Variants in TEF observed in about 807,000 individuals in gnomAD.
TEF encodes TEF transcription factor, PAR bZIP family member, also known as thyrotroph embryonic factor.
TEF carries 3 observed loss-of-function variants against 20.8 expected under a neutral mutation model. That is an observed-to-expected ratio of 0.14 (90% CI 0.07 to 0.37). TEF has a LOEUF of 0.37. Among genes scored for constraint, TEF ranks in the 10% least tolerant of loss-of-function variants. The probability of loss-of-function intolerance (pLI) is 1.00; values close to 1 mark genes in which losing one functional copy is unlikely to be tolerated. For missense variants in TEF, 296 were observed against 397.9 expected, an observed-to-expected ratio of 0.74 and a Z score of 2.18; for synonymous variants, 180 against 171.1, an observed-to-expected ratio of 1.05 and a Z score of -0.41.
chr22:41,368,536 C>T (rs1437136472), intron 1 of TEF, among the ~76,000 whole-genome samples: 1 of 152,182 alleles, frequency 6.6e-6, no homozygotes, highest in Non-Finnish European at 1.5e-5. Flanking sequence ...AAACCAGAGC[C>T]AGGAGACAGA....
intron 2 of TEF, among the ~76,000 whole-genome samples, chr22:41,388,798 C>T (rs962419205): frequency 5.3e-5 from 8 of 152,010 alleles, no homozygotes; most frequent in South Asian, 2.1e-4. Flanking sequence ...TCCTGCCAGT[C>T]GGTATGTCAC....
chr22:41,388,137 C>T (rs2037122425), intron 2 of TEF, among the ~76,000 whole-genome samples: 2 of 151,654 alleles, frequency 1.3e-5, no homozygotes, highest in Non-Finnish European at 2.9e-5. Flanking sequence ...GCTGGGATTA[C>T]AGGCACCAGC....
chr22:41,389,457 T>TA (rs2037139836), intron 2 of TEF, among the ~76,000 whole-genome samples: 1 of 151,144 alleles, frequency 6.6e-6, no homozygotes, highest in South Asian at 2.1e-4. Flanking sequence ...TCGACTCTAC[T>TA]AAAAATACAA....
rs1317446663 is a variant in TEF, at chr22:41,376,038, A to T, written c.67+8439A>T. 3.3e-5 allele frequency among the ~76,000 whole-genome samples: 5 copies of T among 152,248 alleles called. No homozygotes were observed. The South Asian group carries it at 6.2e-4, about 19-fold the overall frequency. On this transcript the variant is annotated intron_variant, in intron 1 of 3. Transcript: ENST00000406644. ...TCCCATTTTCAGTAAGCCAGAAAAC[A>T]GAGTGGGACTGTTCTACTAGGTGCG... is the stretch of plus-strand genomic sequence containing the variant.
intron 1 of TEF, among the ~76,000 whole-genome samples, chr22:41,371,870 A>T (rs1254573723): frequency 6.6e-6 from 1 of 152,008 alleles, no homozygotes; most frequent in Non-Finnish European, 1.5e-5. Flanking sequence ...TCTCAGTAGG[A>T]CTTGCTGGGG....
rs751803129 is a variant in TEF at position 41,387,492 on chromosome 22, A to G, written c.299A>G (p.Asp100Gly). 6.2e-7 allele frequency: 1 copy of G among 1,614,160 alleles called. No individual in the cohort carries two copies. Among genetic ancestry groups the G allele is most frequent in the East Asian group, 2.2e-5 (1 of 44,892 alleles). The change falls in exon 2 of 4, where the codon GAC (aspartate) becomes GGC (glycine). Residue 100 changes from aspartate (D) to glycine (G), a missense_variant. This residue lies in a region of TEF where 194 missense variants were observed against 317.8 expected (regional missense o/e 0.61). Coordinates refer to ENST00000266304, the MANE Select transcript of TEF (RefSeq NM_003216.4). ...DGESFHLEYM[D>G]LDEFLLENGI... is the part of the protein sequence containing the mutation. ...GAATCTTTCCACCTGGAGTACATGG[A>G]CCTGGATGAGTTCCTGCTGGAGAAT...
chr22:41,391,270 C>T (rs1441852692), intron 2 of TEF, among the ~76,000 whole-genome samples: 1 of 152,010 alleles, frequency 6.6e-6, no homozygotes, highest in Non-Finnish European at 1.5e-5. Flanking sequence ...ACATTTAGAC[C>T]AGATGATTTT....
At chr22:41,367,809 AT>A (rs1011431421) in intron 1 of TEF, among the ~76,000 whole-genome samples, 1 of 151,988 alleles carries the variant, frequency 6.6e-6, no homozygotes, top group African/African-American at 2.4e-5. Flanking sequence ...GGCCTGCTGG[AT>A]TTGGGGAAGC....
upstream of TEF, among the ~76,000 whole-genome samples, chr22:41,379,908 GAA>G (rs1216913707): frequency 1.1e-5 from 1 of 89,412 alleles, no homozygotes; most frequent in Non-Finnish European, 2.5e-5. Flanking sequence ...AAAAAAAAAA[GAA>G]AAAAAGAAAA....
Position 41,397,102 on chromosome 22 carries a change from G to T in TEF, c.*1142G>T. 2.5e-6 allele frequency: 1 copy of T among 398,744 alleles called. No individual in the cohort carries two copies. The highest frequency in any genetic ancestry group is 4.4e-6 in the Non-Finnish European group (1 of 226,154). The allele number at this position is 398,744 out of a possible 1,614,324, so 24.7% of individuals were successfully genotyped here. A position where few individuals can be genotyped will look rare whatever the true frequency, so the allele number is the denominator to read the frequency against. On this transcript the variant is annotated 3_prime_UTR_variant, in exon 4 of 4. Transcript: ENST00000266304. ...CATGCGAGCTGCCCGGAGGGTGTCAGCAGGGCAAGACACCTAGTCTAGAGT... is the reference window on the plus strand; with the variant it reads ...CATGCGAGCTGCCCGGAGGGTGTCATCAGGGCAAGACACCTAGTCTAGAGT...
intron 2 of TEF, among the ~76,000 whole-genome samples, chr22:41,388,390 A>C (rs1473750061): frequency 1.3e-5 from 2 of 151,388 alleles, no homozygotes. Flanking sequence ...GATTGAAGCG[A>C]TTTTTATTTT....
At chr22:41,392,392 G>T (rs561028434) in intron 2 of TEF, among the ~76,000 whole-genome samples, 1 of 151,800 alleles carries the variant, frequency 6.6e-6, no homozygotes. Context: ...AAGACTAAAT[G>T]GGGCCGGGCG....
upstream of TEF, among the ~76,000 whole-genome samples, chr22:41,381,736 T>G (rs1360289446): frequency 6.7e-6 from 1 of 148,696 alleles, no homozygotes; most frequent in South Asian, 2.2e-4. Flanking sequence ...GCGAGGGTCC[T>G]CACCTGGCCC....
chr22:41,368,960 G>A (rs2036850154), intron 1 of TEF: 1 of 657,262 alleles, frequency 1.5e-6, no homozygotes, highest in Non-Finnish European at 1.9e-6. Flanking sequence ...ATCTCTGAGT[G>A]GCCTGTGTGG....
At chr22:41,385,697 T>A (rs1181536749) in intron 1 of TEF, among the ~76,000 whole-genome samples, 1 of 152,082 alleles carries the variant, frequency 6.6e-6, no homozygotes, top group Non-Finnish European at 1.5e-5. Flanking sequence ...TTTTTGTTTT[T>A]TTGTGACGGA....
Position 41,396,103 on chromosome 22 carries a change from A to G in TEF, c.*143A>G, listed in dbSNP as rs1230586432. ...CCTGCTGCAGGAGCGGCCACGTCTC[A>G]GCTTCATTATACCATGGCCTGCGCA... On this transcript the variant is annotated 3_prime_UTR_variant, in exon 4 of 4. Coordinates refer to ENST00000266304, the MANE Select transcript of TEF (RefSeq NM_003216.4). 2 of 871,332 alleles carry G rather than the reference A, an allele frequency of 2.3e-6. No individual in the cohort carries two copies. Among genetic ancestry groups the G allele is most frequent in the Admixed American group, 5.6e-5 (2 of 35,728 alleles). The allele number at this position is 871,332 out of a possible 1,614,324, so 54.0% of individuals were successfully genotyped here. A position where few individuals can be genotyped will look rare whatever the true frequency, so the allele number is the denominator to read the frequency against.
intron 1 of TEF, chr22:41,367,727 G>A: frequency 2.3e-6 from 2 of 887,832 alleles, no homozygotes; most frequent in Non-Finnish European, 3.4e-6. Context: ...GTGCGCCCTT[G>A]GTCTCAGGGT....
At chr22:41,394,971 C>T (rs1039560832) in intron 3 of TEF, among the ~76,000 whole-genome samples, 2 of 152,186 alleles carry the variant, frequency 1.3e-5, no homozygotes, top group Non-Finnish European at 2.9e-5. Flanking sequence ...ATGGTACTCA[C>T]TGTAGGCCAG....
At chr22:41,367,571 C>T (rs1428501634) in exon 1 of TEF, 2 of 1,551,332 alleles carry the variant, frequency 1.3e-6, no homozygotes, top group Non-Finnish European at 1.7e-6. Flanking sequence ...TGCTGGAGCA[C>T]TCTCTGCCTT....
Sources: gnomAD v4.1 joint callset for allele counts (sites outside exome capture counted in the v4.1 genomes callset) on GRCh38, gnomAD v4.1.1 for gene constraint, gnomAD v4.1.1 regional missense constraint, MANE v1.5 for transcripts, NCBI Gene and HGNC (gene_info 2026-07-23, HGNC 2026-07-21) for gene names.